Variants in ELMO1 observed in about 807,000 individuals in gnomAD.
ELMO1 encodes engulfment and cell motility 1.
Under a neutral mutation model 98.9 loss-of-function variants are expected in ELMO1, and 26 were observed. That is an observed-to-expected ratio of 0.26 (90% CI 0.19 to 0.36). ELMO1 has a LOEUF of 0.36. ELMO1 is among the 10% of genes least tolerant of loss of function. The pLI is 1.00. For missense variants in ELMO1, 627 were observed against 935.2 expected (o/e 0.67, Z 4.30); for synonymous variants, 346 against 346.0 (o/e 1.00, Z 0.00).
At chr7:37,166,548 G>C (rs139677364) in intron 13 of ELMO1, among the ~76,000 whole-genome samples, 106,196 of 151,090 alleles carry the variant, frequency 0.7, 40,048 homozygotes, top group Non-Finnish European at 0.83. Flanking sequence ...TCTTTGTTCT[G>C]GTTGGTTTCA....
At chr7:37,210,616 T>C (rs1351242300) in intron 13 of ELMO1, among the ~76,000 whole-genome samples, 3 of 151,764 alleles carry the variant, frequency 2.0e-5, no homozygotes, top group African/African-American at 2.4e-5. Flanking sequence ...CATACAGATA[T>C]ATAGCTTATA....
chr7:36,975,807 C>A lies in ELMO1; in HGVS notation c.1437+37492G>T, dbSNP rs192359069. Among the ~76,000 whole-genome samples the A allele has an allele frequency of 6.1e-3, 911 of 149,588 alleles. 16 individuals carry two copies. The highest frequency in any genetic ancestry group is 0.021 in the African/African-American group (850 of 40,514). On this transcript the variant is annotated intron_variant, in intron 16 of 21. Transcript: ENST00000310758. ...GGTTGCAGTGAGCCGAGATCGTACC[C>A]CTGCACTCCAGCCTGGGCAACAGAG...
intron 15 of ELMO1, among the ~76,000 whole-genome samples, chr7:37,046,297 C>A (rs923538187): frequency 6.6e-6 from 1 of 152,206 alleles, no homozygotes; most frequent in South Asian, 2.1e-4. Flanking sequence ...CTTTTCTACA[C>A]ATATAAGTAA....
chr7:36,911,370 A>G (rs1005986861), intron 16 of ELMO1, among the ~76,000 whole-genome samples: 26 of 152,226 alleles, frequency 1.7e-4, no homozygotes, highest in African/African-American at 6.3e-4. Context: ...AGACATAGGA[A>G]GGACATAAGG....
chr7:36,901,704 C>T (rs1033263910), intron 16 of ELMO1, among the ~76,000 whole-genome samples: 4 of 152,032 alleles, frequency 2.6e-5, no homozygotes, highest in African/African-American at 9.7e-5. Context: ...TATAAAGTAG[C>T]GGTAATAATC....
chr7:36,990,839 T>C (rs1791826714), intron 16 of ELMO1, among the ~76,000 whole-genome samples: 1 of 152,172 alleles, frequency 6.6e-6, no homozygotes, highest in Admixed American at 6.5e-5. Context: ...ATAGAATAAT[T>C]TCTAAACTGG....
chr7:37,246,860 A>G (rs941125224), intron 6 of ELMO1, among the ~76,000 whole-genome samples: 6 of 146,918 alleles, frequency 4.1e-5, no homozygotes, highest in African/African-American at 1.6e-4. Context: ...ATCTATCTAT[A>G]TATATCTCTA....
chr7:37,214,237 T>C (rs1793155029), intron 11 of ELMO1, among the ~76,000 whole-genome samples: 1 of 152,184 alleles, frequency 6.6e-6, no homozygotes, highest in African/African-American at 2.4e-5. Context: ...ATTCTGACTG[T>C]ACATTAAAAA....
At chr7:37,171,208 C>A (rs1790130717) in intron 13 of ELMO1, among the ~76,000 whole-genome samples, 1 of 151,896 alleles carries the variant, frequency 6.6e-6, no homozygotes, top group East Asian at 1.9e-4. Context: ...AGAGTTCTTT[C>A]AATAAATATA....
intron 13 of ELMO1, among the ~76,000 whole-genome samples, chr7:37,181,866 T>G (rs1439872416): frequency 6.6e-6 from 1 of 152,188 alleles, no homozygotes; most frequent in Non-Finnish European, 1.5e-5. Context: ...CATTGCTGAT[T>G]ACTGCATCCC....
chr7:36,860,789 G>A (rs935370371), intron 21 of ELMO1, among the ~76,000 whole-genome samples: 6 of 152,152 alleles, frequency 3.9e-5, no homozygotes, highest in African/African-American at 2.4e-5. Context: ...TTTAAGCACC[G>A]TTCTAAATGC....
At chr7:37,192,876 TATATATG>T (rs1791691731) in intron 13 of ELMO1, among the ~76,000 whole-genome samples, 1 of 146,670 alleles carries the variant, frequency 6.8e-6, no homozygotes, top group Non-Finnish European at 1.5e-5. Flanking sequence ...CATACATGTT[TATATATG>T]ATATATATTT....
chr7:37,232,082 A>G (rs1044267283), intron 8 of ELMO1, among the ~76,000 whole-genome samples: 1 of 152,080 alleles, frequency 6.6e-6, no homozygotes, highest in Non-Finnish European at 1.5e-5. Context: ...TGAACTCCTG[A>G]CCTCAAATAA....
At position 37,155,503 on chromosome 7, in the gene ELMO1, A is replaced by AT. The variant is rs1554427526; in HGVS notation, c.1087-22270_1087-22269insA. ...AACGGAAAGCAAAAAAAAAAAAAAAAAAAAAGCAGGTGTTGCAATCCTGGT... is the reference window on the plus strand; with the variant it reads ...AACGGAAAGCAAAAAAAAAAAAAAAATAAAAAGCAGGTGTTGCAATCCTGGT... On this transcript the variant is annotated intron_variant, in intron 13 of 21. Transcript: ENST00000310758. 6.8e-5 allele frequency among the ~76,000 whole-genome samples: 9 copies of AT among 131,738 alleles called. 1 individual carries two copies. Among genetic ancestry groups the AT allele is most frequent in the Non-Finnish European group, 3.2e-5 (2 of 61,914 alleles). The allele number at this position is 131,738 out of a possible 152,430, so 86.4% of individuals were successfully genotyped here.
chr7:36,988,612 G>T (rs563627046), intron 16 of ELMO1, among the ~76,000 whole-genome samples: 1 of 152,240 alleles, frequency 6.6e-6, no homozygotes, highest in Admixed American at 6.5e-5. Context: ...AGTGAGATCA[G>T]GAAAAGCATT....
chr7:37,162,745 G>A (rs1789312297), intron 13 of ELMO1, among the ~76,000 whole-genome samples: 1 of 152,186 alleles, frequency 6.6e-6, no homozygotes, highest in South Asian at 2.1e-4. Flanking sequence ...GAGAGCTGAT[G>A]GAGAAGGTGT....
intron 4 of ELMO1, among the ~76,000 whole-genome samples, chr7:37,282,436 C>T (rs759990521): frequency 6.6e-6 from 1 of 152,224 alleles, no homozygotes; most frequent in Non-Finnish European, 1.5e-5. Flanking sequence ...CAAGCCTGAT[C>T]GCTTTTGTCC....
chr7:37,110,620 AATG>A (rs1785202183), intron 14 of ELMO1, among the ~76,000 whole-genome samples: 1 of 152,162 alleles, frequency 6.6e-6, no homozygotes, highest in African/African-American at 2.4e-5. Flanking sequence ...ATAATCTAAA[AATG>A]ATGTCATTTC....
At chr7:37,439,676 T>A (rs1045156150) in intron 1 of ELMO1, among the ~76,000 whole-genome samples, 1 of 152,208 alleles carries the variant, frequency 6.6e-6, no homozygotes, top group African/African-American at 2.4e-5. Context: ...TAAAATATAC[T>A]ACAATTAATA....
Sources: allele counts gnomAD v4.1 joint callset (sites outside exome capture counted in the v4.1 genomes callset), GRCh38; gene constraint gnomAD v4.1.1; transcripts MANE v1.5; gene names NCBI Gene and HGNC (gene_info 2026-07-23, HGNC 2026-07-21).